The following RARB variants were observed in gnomAD, a reference collection of about 807,000 sequenced individuals.
The protein encoded by RARB is HBV-activated protein.
A neutral mutation model predicts 51.9 loss-of-function variants in RARB; 17 were observed. The ratio of observed to expected loss-of-function variants is 0.33; its 90% CI spans 0.22 to 0.49. The LOEUF (loss-of-function observed/expected upper bound fraction) is 0.49, where lower values mean the gene tolerates loss of function less well. RARB is among the 20% of genes least tolerant of loss of function. RARB has a pLI of 0.99. For synonymous variants in RARB, 215 were observed against 195.4 expected, an observed-to-expected ratio of 1.10 and a Z score of -0.84; for missense variants, 369 against 550.8, an observed-to-expected ratio of 0.67 and a Z score of 3.30.
In RARB at chr3:24,958,256, T is replaced by TTTTG. The variant is rs1491521409; in HGVS notation, c.-380+99507_-380+99508insGTTT. Among the ~76,000 whole-genome samples the TTTTG allele has an allele frequency of 4.0e-3, 97 of 24,058 alleles. 7 individuals are homozygous for TTTTG. The highest frequency in any genetic ancestry group is 0.029 in the African/African-American group (80 of 2,756). The allele number at this position is 24,058 out of a possible 152,430, so 15.8% of individuals were successfully genotyped here. On this transcript the variant is annotated intron_variant, in intron 2 of 11. Transcript: ENST00000383772. ...CCTGAAGCTTCCTGAGCTGCTCAGG[T>TTTTG]TTTTTTTTTTTTTTTTTTTTTTTTT...
chr3:24,933,713 A>AT (rs1424141786), intron 2 of RARB, among the ~76,000 whole-genome samples: 5 of 152,274 alleles, frequency 3.3e-5, no homozygotes, highest in Admixed American at 6.5e-5. Flanking sequence ...CACTTTAACA[A>AT]TTTTTAAAGC....
chr3:25,282,406 C>T (rs1016917733), intron 5 of RARB, among the ~76,000 whole-genome samples: 1 of 152,206 alleles, frequency 6.6e-6, no homozygotes, highest in Non-Finnish European at 1.5e-5. Context: ...CTCTACTACC[C>T]TATTTAAAAT....
chr3:25,061,515 T>A (rs531266069), intron 3 of RARB, among the ~76,000 whole-genome samples: 1 of 151,866 alleles, frequency 6.6e-6, no homozygotes, highest in Admixed American at 6.6e-5. Flanking sequence ...ACTTTGTAAC[T>A]TTGTTTTCTT....
At chr3:24,945,327 T>C (rs1035493458) in intron 2 of RARB, among the ~76,000 whole-genome samples, 3 of 152,222 alleles carry the variant, frequency 2.0e-5, no homozygotes, top group Non-Finnish European at 2.9e-5. Flanking sequence ...TTTGCCTACA[T>C]CTGTCTTTGG....
chr3:25,165,226 T>C (rs1479448194), intron 4 of RARB, among the ~76,000 whole-genome samples: 5 of 152,190 alleles, frequency 3.3e-5, no homozygotes, highest in Non-Finnish European at 7.4e-5. Context: ...GTGACTCTTT[T>C]TGTCTCTGTT....
intron 3 of RARB, among the ~76,000 whole-genome samples, chr3:25,126,421 T>C (rs560239009): frequency 6.6e-6 from 1 of 151,884 alleles, no homozygotes; most frequent in Non-Finnish European, 1.5e-5. Context: ...GTTATTGTTA[T>C]TTTTCCAGTG....
At chr3:24,900,074 G>C (rs1257829593) in intron 2 of RARB, among the ~76,000 whole-genome samples, 2 of 152,150 alleles carry the variant, frequency 1.3e-5, no homozygotes, top group Non-Finnish European at 2.9e-5. Context: ...GTCATGTACA[G>C]GGCAAGTCCC....
chr3:24,945,092 A>G (rs1695745652), intron 2 of RARB, among the ~76,000 whole-genome samples: 1 of 152,228 alleles, frequency 6.6e-6, no homozygotes, highest in Non-Finnish European at 1.5e-5. Flanking sequence ...AATAAAACTA[A>G]CATTATCTAT....
At chr3:24,991,468 AAAAG>A in intron 2 of RARB, among the ~76,000 whole-genome samples, 1 of 150,876 alleles carries the variant, frequency 6.6e-6, no homozygotes, top group Non-Finnish European at 1.5e-5. Flanking sequence ...AAGAAAAAGA[AAAAG>A]AAAAAAATTA....
rs386396163 is a variant in RARB, at chr3:24,912,975, C to CTTTTTTTT, written c.-380+54238_-380+54245dup. Reference sequence around the variant, plus strand: ...GCAATACGCACACAAGGTACTGATTCTTTTTTTTTTTTTTTTTTTTTTGGA... The same window carrying CTTTTTTTT: ...GCAATACGCACACAAGGTACTGATTCTTTTTTTTTTTTTTTTTTTTTTTTTTTTTTGGA... On this transcript the variant is annotated intron_variant, in intron 2 of 11. Transcript: ENST00000383772. Among the ~76,000 whole-genome samples, 121 of 75,034 alleles carry CTTTTTTTT rather than the reference C, an allele frequency of 1.6e-3. 16 individuals carry two copies. Among genetic ancestry groups the CTTTTTTTT allele is most frequent in the Admixed American group, 2.3e-3 (10 of 4,432 alleles). 49.2% of individuals were successfully genotyped at this position (75,034 alleles called of 152,430 possible). A position where few individuals can be genotyped will look rare whatever the true frequency, so the allele number is the denominator to read the frequency against.
Position 25,071,461 on chromosome 3 carries a change from C to G in RARB, c.-328+11285C>G, listed in dbSNP as rs17515837. ...AAACTAACACTCAATAATCCAAACG[C>G]CCCATCTAATTTGAGTTGGTTGGTT... On this transcript the variant is annotated intron_variant, in intron 3 of 11. Transcript: ENST00000383772. 3.1e-3 allele frequency among the ~76,000 whole-genome samples: 467 copies of G among 152,302 alleles called. 5 individuals are homozygous for G. Among genetic ancestry groups the G allele is most frequent in the South Asian group, 0.017 (82 of 4,828 alleles).
chr3:24,975,309 T>C (rs1696486692), intron 2 of RARB, among the ~76,000 whole-genome samples: 2 of 152,162 alleles, frequency 1.3e-5, no homozygotes, highest in Non-Finnish European at 2.9e-5. Context: ...TTAACACTAC[T>C]GTTTTTTTGG....
At chr3:24,923,311 G>A (rs1695256340) in intron 2 of RARB, among the ~76,000 whole-genome samples, 2 of 151,960 alleles carry the variant, frequency 1.3e-5, no homozygotes, top group South Asian at 2.1e-4. Context: ...TCCTTTTAAA[G>A]CATTGCTGAG....
At chr3:25,355,917 G>C (rs1278825482) in intron 5 of RARB, among the ~76,000 whole-genome samples, 1 of 151,920 alleles carries the variant, frequency 6.6e-6, no homozygotes, top group Non-Finnish European at 1.5e-5. Flanking sequence ...GAACTTAGCT[G>C]TCACTAATTA....
intron 3 of RARB, among the ~76,000 whole-genome samples, chr3:25,552,194 A>G (rs941952211): frequency 6.6e-6 from 1 of 152,182 alleles, no homozygotes; most frequent in Non-Finnish European, 1.5e-5. Context: ...CCTGGAGCTG[A>G]CCAACCATTG....
At chr3:25,272,522 C>G (rs944196412) in intron 5 of RARB, among the ~76,000 whole-genome samples, 1 of 152,206 alleles carries the variant, frequency 6.6e-6, no homozygotes, top group African/African-American at 2.4e-5. Flanking sequence ...ACTCAGGTAT[C>G]CCCTTAGGCA....
chr3:25,178,654 A>C (rs1296075797), intron 5 of RARB, among the ~76,000 whole-genome samples: 1 of 152,084 alleles, frequency 6.6e-6, no homozygotes, highest in Non-Finnish European at 1.5e-5. Flanking sequence ...GTCCTTGGAG[A>C]TGATAGATAT....
chr3:25,336,777 T>C (rs557858767), intron 5 of RARB, among the ~76,000 whole-genome samples: 2 of 152,190 alleles, frequency 1.3e-5, no homozygotes, highest in African/African-American at 4.8e-5. Flanking sequence ...ACCGGGAGAA[T>C]TGGGGTTTTT....
chr3:24,984,523 T>C (rs2125428514), intron 2 of RARB, among the ~76,000 whole-genome samples: 1 of 152,276 alleles, frequency 6.6e-6, no homozygotes, highest in Non-Finnish European at 1.5e-5. Context: ...TTGCATAATC[T>C]CACTTATATG....
Sources: gnomAD v4.1 joint callset for allele counts (sites outside exome capture counted in the v4.1 genomes callset) on GRCh38, gnomAD v4.1.1 for gene constraint, MANE v1.5 for transcripts, NCBI Gene and HGNC (gene_info 2026-07-23, HGNC 2026-07-21) for gene names.